The following NTRK3 variants were observed in gnomAD, a reference collection of about 807,000 sequenced individuals.
NTRK3 encodes the protein NT-3 growth factor receptor.
A neutral mutation model predicts 91.7 loss-of-function variants in NTRK3; 24 were observed. That is an observed-to-expected ratio of 0.26 (90% CI 0.19 to 0.37). The LOEUF is 0.37. NTRK3 is among the 10% of genes least tolerant of loss of function. The pLI is 1.00. For missense variants in NTRK3, 880 were observed against 1,068.9 expected (o/e 0.82, Z 2.46); for synonymous variants, 483 against 404.0 (o/e 1.20, Z -2.34).
chr15:88,060,434 C>A (rs1194848707), intron 13 of NTRK3, among the ~76,000 whole-genome samples: 9 of 151,118 alleles, frequency 6.0e-5, no homozygotes, highest in Admixed American at 5.3e-4. Flanking sequence ...CTCAGGGAAG[C>A]CTGTTCTCCA....
At chr15:87,959,876 C>T (rs532026131) in intron 14 of NTRK3, among the ~76,000 whole-genome samples, 1 of 152,340 alleles carries the variant, frequency 6.6e-6, no homozygotes, top group South Asian at 2.1e-4. Flanking sequence ...TGTCCCAAGG[C>T]ATCCTTGCAT....
At chr15:88,174,952 T>C (rs1165209403) in intron 5 of NTRK3, among the ~76,000 whole-genome samples, 3 of 152,238 alleles carry the variant, frequency 2.0e-5, no homozygotes, top group African/African-American at 7.2e-5. Flanking sequence ...CACCATTTAC[T>C]TCCTTATACT....
At chr15:88,238,289 A>G (rs1293358421) in intron 3 of NTRK3, among the ~76,000 whole-genome samples, 1 of 152,190 alleles carries the variant, frequency 6.6e-6, no homozygotes, top group Non-Finnish European at 1.5e-5. Flanking sequence ...TATTGTTTTT[A>G]TTTTAAATCA....
chr15:87,893,455 T>C (rs935661108), intron 17 of NTRK3, among the ~76,000 whole-genome samples: 3 of 152,190 alleles, frequency 2.0e-5, no homozygotes, highest in Admixed American at 6.5e-5. Flanking sequence ...ATGGCAGTGT[T>C]CCACTCTGGG....
intron 4 of NTRK3, 43 bp from the exon 5 acceptor site, chr15:88,183,532 G>C: frequency 6.4e-7 from 1 of 1,571,978 alleles, no homozygotes; most frequent in Non-Finnish European, 8.8e-7. Flanking sequence ...TCAAGTGGCA[G>C]AGGGATATCT....
At chr15:87,929,691 T>C (rs1006775388) in intron 16 of NTRK3, among the ~76,000 whole-genome samples, 1 of 152,240 alleles carries the variant, frequency 6.6e-6, no homozygotes, top group Non-Finnish European at 1.5e-5. Context: ...CTACTCTTTT[T>C]AATATTTCAC....
intron 13 of NTRK3, among the ~76,000 whole-genome samples, chr15:88,094,475 CAAAAAAA>C (rs10610101): frequency 2.0e-3 from 61 of 30,326 alleles, no homozygotes; most frequent in African/African-American, 5.0e-3. Context: ...GACTCCGTCT[CAAAAAAA>C]AAAAAAAAAA....
chr15:88,246,898 G>A (rs530842661), intron 3 of NTRK3, among the ~76,000 whole-genome samples: 2 of 152,310 alleles, frequency 1.3e-5, no homozygotes, highest in East Asian at 1.9e-4. Flanking sequence ...TGAAAGCCAG[G>A]GCTGACAGTG....
intron 13 of NTRK3, among the ~76,000 whole-genome samples, chr15:88,037,374 C>T (rs1255331807): frequency 6.6e-6 from 1 of 152,060 alleles, no homozygotes; most frequent in Admixed American, 6.6e-5. Context: ...CCAGCCTGGC[C>T]AACAAGGTGA....
At chr15:88,238,154 T>C (rs2051979935) in intron 3 of NTRK3, among the ~76,000 whole-genome samples, 1 of 152,100 alleles carries the variant, frequency 6.6e-6, no homozygotes, top group South Asian at 2.1e-4. Context: ...AAACCAACCC[T>C]GCCAACACCT....
chr15:88,165,076 G>A (rs993961690), intron 5 of NTRK3, among the ~76,000 whole-genome samples: 1 of 152,180 alleles, frequency 6.6e-6, no homozygotes, highest in Non-Finnish European at 1.5e-5. Context: ...GATTGAATAT[G>A]AACTGAGTTG....
chr15:88,077,757 C>T (rs555045563), intron 13 of NTRK3, among the ~76,000 whole-genome samples: 23 of 152,298 alleles, frequency 1.5e-4, no homozygotes, highest in South Asian at 1.0e-3. Context: ...GGAGCTGTCA[C>T]GGAGTTGGGA....
intron 3 of NTRK3, chr15:88,253,316 G>C (rs2142043196): frequency 6.6e-6 from 1 of 152,332 alleles, no homozygotes; most frequent in Middle Eastern, 3.4e-3. Flanking sequence ...CCAGCTGCGG[G>C]TGCTTCTCTC....
At chr15:88,055,216 C>T (rs1457987455) in intron 13 of NTRK3, among the ~76,000 whole-genome samples, 1 of 152,276 alleles carries the variant, frequency 6.6e-6, no homozygotes, top group Non-Finnish European at 1.5e-5. Context: ...TCTCTTCACC[C>T]TCCCCACCTC....
intron 13 of NTRK3, among the ~76,000 whole-genome samples, chr15:88,067,820 T>C (rs1333087907): frequency 7.2e-5 from 11 of 152,188 alleles, no homozygotes; most frequent in Admixed American, 7.2e-4. Flanking sequence ...AGTCACAAGA[T>C]TGAGGTCAAG....
chr15:87,908,527 A>G, intron 17 of NTRK3: 1 of 399,638 alleles, frequency 2.5e-6, no homozygotes, highest in Admixed American at 4.4e-5. Context: ...TGCCGCTGCC[A>G]CACCACACTG....
At position 88,255,646 on chromosome 15, in the gene NTRK3, C is replaced by T. The variant is rs1336192409; in HGVS notation, c.248+260G>A. On this transcript the variant is annotated intron_variant, in intron 3 of 18. Transcript: ENST00000394480. This position sits in a 1 kb window ranked among gnomAD's most constrained non-coding sequence, Gnocchi z 4.3. ...TGGGAGGCGGGCGGTAGCTGGGCCCCGCGTGCCCTCGGCGGCCGGGGTCCT... is the reference window on the plus strand; with the variant it reads ...TGGGAGGCGGGCGGTAGCTGGGCCCTGCGTGCCCTCGGCGGCCGGGGTCCT... 1.3e-5 allele frequency among the ~76,000 whole-genome samples: 2 copies of T among 152,180 alleles called. No individual in the cohort carries two copies. Among genetic ancestry groups the T allele is most frequent in the Non-Finnish European group, 2.9e-5 (2 of 68,038 alleles).
At chr15:87,900,641 T>C (rs1389391887) in intron 17 of NTRK3, among the ~76,000 whole-genome samples, 1 of 151,794 alleles carries the variant, frequency 6.6e-6, no homozygotes, top group Non-Finnish European at 1.5e-5. Context: ...AAAGCTCAAC[T>C]CAAGGCCCTT....
chr15:88,136,725 CA>C (rs1013237021), intron 7 of NTRK3, 116 bp from the exon 8 acceptor site: 7 of 1,283,748 alleles, frequency 5.5e-6, no homozygotes, highest in Non-Finnish European at 7.5e-6. Context: ...ACTCTAACAC[CA>C]CCTGCTTGAG....
Sources: gnomAD v4.1 joint callset for allele counts (sites outside exome capture counted in the v4.1 genomes callset) on GRCh38, gnomAD v4.1.1 for gene constraint, Gnocchi (gnomAD v3.1) non-coding constraint, MANE v1.5 for transcripts, NCBI Gene and HGNC (gene_info 2026-07-23, HGNC 2026-07-21) for gene names.